Variants in LAMA2 observed in about 807,000 individuals in gnomAD.
LAMA2 encodes the protein laminin subunit alpha 2.
LAMA2 carries 269 observed loss-of-function variants against 364.8 expected under a neutral mutation model. That is an observed-to-expected ratio of 0.74 (90% confidence interval 0.67 to 0.82). LAMA2 has a LOEUF of 0.82. Among genes scored for constraint, LAMA2 ranks in the 40% least tolerant of loss-of-function variants. The pLI is 0.00. For missense variants in LAMA2, 3,807 were observed against 3,873.2 expected (o/e 0.98, Z 0.45); for synonymous variants, 1,379 against 1,370.6 (o/e 1.01, Z -0.14).
At chr6:128,912,698 G>A (rs1176054440) in intron 1 of LAMA2, among the ~76,000 whole-genome samples, 2 of 152,196 alleles carry the variant, frequency 1.3e-5, no homozygotes, top group African/African-American at 4.8e-5. Flanking sequence ...GAATGGCATA[G>A]TAGGGAAAAA....
intron 55 of LAMA2, among the ~76,000 whole-genome samples, chr6:129,485,709 G>GTAAC (rs1436324650): frequency 6.6e-6 from 1 of 152,144 alleles, no homozygotes; most frequent in Admixed American, 6.5e-5. Context: ...TGGTGGACAC[G>GTAAC]TAACTACATA....
chr6:129,390,103 A>T (rs2054828308), intron 35 of LAMA2, among the ~76,000 whole-genome samples: 1 of 152,184 alleles, frequency 6.6e-6, no homozygotes, highest in Non-Finnish European at 1.5e-5. Context: ...AATTATAAAG[A>T]TGCATTGTGG....
At chr6:129,452,838 G>T in intron 45 of LAMA2, 150 bp from the exon 46 acceptor site, 1 of 698,486 alleles carries the variant, frequency 1.4e-6, no homozygotes, top group Non-Finnish European at 2.5e-6. Context: ...TGAGTATAAT[G>T]GTGTCTGCAT....
At chr6:129,176,124 G>T (rs1322981604) in intron 9 of LAMA2, among the ~76,000 whole-genome samples, 2 of 151,508 alleles carry the variant, frequency 1.3e-5, no homozygotes, top group East Asian at 3.9e-4. Context: ...CTTTTTTACT[G>T]CTATTATATT....
intron 12 of LAMA2, among the ~76,000 whole-genome samples, chr6:129,244,950 C>A (rs1476830854): frequency 6.6e-6 from 1 of 152,074 alleles, no homozygotes; most frequent in Non-Finnish European, 1.5e-5. Flanking sequence ...CTGGTTTTTC[C>A]CCCTGAAGGT....
At chr6:129,323,846 A>G (rs971559681) in intron 28 of LAMA2, among the ~76,000 whole-genome samples, 1 of 152,206 alleles carries the variant, frequency 6.6e-6, no homozygotes, top group African/African-American at 2.4e-5. Context: ...TTCAGCTTCT[A>G]TCCTGTCTTC....
chr6:129,406,300 T>C (rs1480315493), intron 40 of LAMA2, among the ~76,000 whole-genome samples: 1 of 152,192 alleles, frequency 6.6e-6, no homozygotes, highest in Non-Finnish European at 1.5e-5. Context: ...ATACGATTTG[T>C]TTGTACTGCA....
At position 129,382,024 on chromosome 6, in the gene LAMA2, A is replaced by G. The variant is rs565503462; in HGVS notation, c.4960-1098A>G. 2.0e-5 allele frequency among the ~76,000 whole-genome samples: 3 copies of G among 152,306 alleles called. No homozygotes were observed. In the South Asian group the frequency reaches 6.2e-4, roughly 32 times the overall value. On this transcript the variant is annotated intron_variant, in intron 34 of 64. Transcript: ENST00000421865. The stretch of plus-strand genomic sequence containing the variant: ...TTACCATGTTCTGTGCTGGCCAGAC[A>G]TTTAGTTCTATTTAAAATCCACTTA...
intron 8 of LAMA2, chr6:129,157,920 C>T (rs1779219799): frequency 1.9e-6 from 3 of 1,614,062 alleles, no homozygotes; most frequent in Admixed American, 1.7e-5. Context: ...GGTGCCCACC[C>T]TGGTATTCAA....
At chr6:129,283,961 C>A (rs1788916232) in intron 18 of LAMA2, among the ~76,000 whole-genome samples, 1 of 152,026 alleles carries the variant, frequency 6.6e-6, no homozygotes, top group African/African-American at 2.4e-5. Context: ...TGTGGTTGTG[C>A]AGTTTGTACA....
chr6:129,045,224 G>A (rs1424537813), intron 1 of LAMA2, among the ~76,000 whole-genome samples: 2 of 152,116 alleles, frequency 1.3e-5, no homozygotes, highest in Admixed American at 1.3e-4. Context: ...CACATAATCA[G>A]TAACTGTAAT....
chr6:129,459,054 A>C (rs986970597), intron 48 of LAMA2, among the ~76,000 whole-genome samples: 7 of 152,038 alleles, frequency 4.6e-5, no homozygotes, highest in African/African-American at 1.7e-4. Context: ...AGTTGGAATT[A>C]GGCAATTTCC....
At chr6:129,329,411 T>A (rs1049183963) in intron 29 of LAMA2, among the ~76,000 whole-genome samples, 1 of 152,150 alleles carries the variant, frequency 6.6e-6, no homozygotes, top group Admixed American at 6.5e-5. Context: ...TCGTGCAGGC[T>A]GGAGGGCAGT....
At position 129,373,314 on chromosome 6, in the gene LAMA2, T is replaced by C. The variant is rs553346167; in HGVS notation, c.4959+3324T>C. The stretch of plus-strand genomic sequence containing the variant: ...CCATTTTTAGTTAATTCCAATACTA[T>C]TTTAAAATAAACTTTTTACTTTACA... On this transcript the variant is annotated intron_variant, in intron 34 of 64. Coordinates refer to ENST00000421865, the MANE Select transcript of LAMA2 (RefSeq NM_000426.4). Among the ~76,000 whole-genome samples the C allele has an allele frequency of 1.4e-4, 22 of 152,314 alleles. 1 individual carries two copies. The South Asian group carries it at 3.1e-3, about 22-fold the overall frequency.
chr6:128,948,496 A>G (rs1364084242), intron 1 of LAMA2, among the ~76,000 whole-genome samples: 1 of 152,110 alleles, frequency 6.6e-6, no homozygotes, highest in Non-Finnish European at 1.5e-5. Context: ...AAAAACACAC[A>G]CTATGCTTGA....
chr6:128,909,872 A>G (rs1449098197), intron 1 of LAMA2, among the ~76,000 whole-genome samples: 4 of 151,416 alleles, frequency 2.6e-5, no homozygotes, highest in Non-Finnish European at 5.9e-5. Context: ...TCTGTAAAGT[A>G]TTTTATTTCT....
chr6:129,191,618 G>A (rs1781528038), intron 11 of LAMA2, among the ~76,000 whole-genome samples: 1 of 151,724 alleles, frequency 6.6e-6, no homozygotes, highest in African/African-American at 2.4e-5. Flanking sequence ...GGGAAGAAAT[G>A]CAAGGAATAT....
intron 3 of LAMA2, among the ~76,000 whole-genome samples, chr6:129,085,646 A>T (rs1343259862): frequency 1.3e-5 from 2 of 152,210 alleles, no homozygotes; most frequent in Admixed American, 6.5e-5. Context: ...TTCTGAAGGC[A>T]GCATGAAAAG....
chr6:129,283,857 G>T (rs1788909065), intron 18 of LAMA2, among the ~76,000 whole-genome samples: 1 of 151,930 alleles, frequency 6.6e-6, no homozygotes, highest in African/African-American at 2.4e-5. Context: ...CAGAGCATGG[G>T]CTACAGAAAT....
Sources: gnomAD v4.1 joint callset for allele counts (sites outside exome capture counted in the v4.1 genomes callset) on GRCh38, gnomAD v4.1.1 for gene constraint, MANE v1.5 for transcripts, NCBI Gene and HGNC (gene_info 2026-07-23, HGNC 2026-07-21) for gene names.